The following RIT2 variants were observed in gnomAD, a reference collection of about 807,000 sequenced individuals.
The protein encoded by RIT2 is Ras like without CAAX 2, also known as GTP-binding protein Rit2.
RIT2 carries 24 observed loss-of-function variants against 23.7 expected under a neutral mutation model. The observed-to-expected ratio is 1.01, with a 90% confidence interval of 0.73 to 1.43. The LOEUF (loss-of-function observed/expected upper bound fraction) is 1.43, where lower values mean the gene tolerates loss of function less well. Among genes scored for constraint, RIT2 ranks in the 40% most tolerant of loss-of-function variants. The pLI, the probability that RIT2 is intolerant of heterozygous loss-of-function variation, is 0.00. For missense variants in RIT2, 236 were observed against 266.9 expected, an observed-to-expected ratio of 0.88 and a Z score of 0.81; for synonymous variants, 107 against 91.1, an observed-to-expected ratio of 1.17 and a Z score of -0.99.
chr18:43,004,568 A>G (rs1911185039), intron 2 of RIT2, among the ~76,000 whole-genome samples: 1 of 151,842 alleles, frequency 6.6e-6, no homozygotes, highest in African/African-American at 2.4e-5. Context: ...TGTGCCCGAC[A>G]CTTTCTGGGA....
intron 2 of RIT2, among the ~76,000 whole-genome samples, chr18:42,989,657 T>C (rs1469834275): frequency 6.6e-6 from 1 of 152,172 alleles, no homozygotes; most frequent in African/African-American, 2.4e-5. Context: ...AAAGCCCACA[T>C]AGCTCATGGT....
At chr18:43,011,941 T>C (rs530298378) in intron 2 of RIT2, among the ~76,000 whole-genome samples, 34 of 151,988 alleles carry the variant, frequency 2.2e-4, no homozygotes, top group African/African-American at 8.2e-4. Context: ...AATTAAAAGA[T>C]TGCATAAATT....
At chr18:42,783,811 T>C (rs1227165047) in intron 4 of RIT2, among the ~76,000 whole-genome samples, 1 of 151,974 alleles carries the variant, frequency 6.6e-6, no homozygotes, top group Non-Finnish European at 1.5e-5. Flanking sequence ...TTTGTAAACA[T>C]TTGGTGGACA....
At chr18:42,836,726 C>A (rs796458329) in intron 4 of RIT2, among the ~76,000 whole-genome samples, 5 of 152,144 alleles carry the variant, frequency 3.3e-5, no homozygotes, top group Non-Finnish European at 7.3e-5. Context: ...CACTTTACTT[C>A]GAGATTACCA....
intron 4 of RIT2, among the ~76,000 whole-genome samples, chr18:42,815,203 G>A (rs1905961181): frequency 6.6e-6 from 1 of 152,136 alleles, no homozygotes; most frequent in African/African-American, 2.4e-5. Flanking sequence ...GAATTCAGGA[G>A]GTTACTTATT....
intron 4 of RIT2, among the ~76,000 whole-genome samples, chr18:42,919,607 G>A (rs1160046023): frequency 6.6e-6 from 1 of 152,054 alleles, no homozygotes; most frequent in African/African-American, 2.4e-5. Flanking sequence ...CCAGCTACGT[G>A]GGAGGCTGAA....
intron 3 of RIT2, among the ~76,000 whole-genome samples, chr18:42,945,382 GA>G (rs1294669968): frequency 1.3e-5 from 2 of 151,616 alleles, no homozygotes; most frequent in African/African-American, 4.8e-5. Context: ...CCATGTGAGT[GA>G]AAATGTTGGG....
chr18:42,954,673 T>A (rs1019451532), intron 3 of RIT2, among the ~76,000 whole-genome samples: 1 of 152,144 alleles, frequency 6.6e-6, no homozygotes, highest in African/African-American at 2.4e-5. Flanking sequence ...TTTATTTTTT[T>A]AAATTTTTTA....
rs541500447 is a variant in RIT2, at chr18:42,804,078, T to C, written c.427-60358A>G. ...AGCCATTTATAAGTGAATTGAAGAA[T>C]AGAGCCACATCTGGTGGATTATACA... On this transcript the variant is annotated intron_variant, in intron 4 of 4. Transcript: ENST00000326695. 1.1e-4 allele frequency among the ~76,000 whole-genome samples: 17 copies of C among 152,288 alleles called. No individual in the cohort carries two copies. In the East Asian group the frequency reaches 2.5e-3, roughly 22 times the overall value.
intron 3 of RIT2, among the ~76,000 whole-genome samples, chr18:42,943,425 T>C (rs1053053883): frequency 1.3e-5 from 2 of 152,062 alleles, no homozygotes; most frequent in African/African-American, 4.8e-5. Context: ...ACCCAGGAAG[T>C]CCCGCTGACT....
intron 4 of RIT2, among the ~76,000 whole-genome samples, chr18:42,839,195 T>C (rs1906697299): frequency 6.6e-6 from 1 of 152,138 alleles, no homozygotes; most frequent in African/African-American, 2.4e-5. Context: ...TCAGCTGACC[T>C]CCATTAGAGG....
At chr18:42,808,054 A>G (rs1207310001) in intron 4 of RIT2, among the ~76,000 whole-genome samples, 1 of 152,228 alleles carries the variant, frequency 6.6e-6, no homozygotes, top group African/African-American at 2.4e-5. Context: ...CAGAATTCTC[A>G]GTATGCCAGA....
In RIT2 at chr18:42,953,065, A is replaced by G. The variant is rs75795297; in HGVS notation, c.234+21009T>C. Reference sequence around the variant, plus strand: ...GAAAACTACATTGTAGTTTTCTTCAATCTACAAAATCAGTCTCATTCATTT... The same window carrying G: ...GAAAACTACATTGTAGTTTTCTTCAGTCTACAAAATCAGTCTCATTCATTT... On this transcript the variant is annotated intron_variant, in intron 3 of 4. Coordinates refer to ENST00000326695, the MANE Select transcript of RIT2 (RefSeq NM_002930.4). 8.6e-3 allele frequency among the ~76,000 whole-genome samples: 1,314 copies of G among 151,918 alleles called. 17 individuals carry two copies. Among genetic ancestry groups the G allele is most frequent in the African/African-American group, 0.03 (1,240 of 41,492 alleles).
At chr18:42,763,548 G>C (rs1262518224) in intron 4 of RIT2, among the ~76,000 whole-genome samples, 3 of 151,820 alleles carry the variant, frequency 2.0e-5, no homozygotes, top group Admixed American at 1.3e-4. Context: ...GAGTCAGTGA[G>C]TGATGAGTCA....
intron 1 of RIT2, among the ~76,000 whole-genome samples, chr18:43,105,431 T>G: frequency 1.5e-5 from 1 of 68,546 alleles, no homozygotes; most frequent in Non-Finnish European, 2.8e-5. Context: ...GGTGGAGGCA[T>G]GGAAGGAAGG....
chr18:42,746,338 TA>T (rs1303549028), intron 4 of RIT2, among the ~76,000 whole-genome samples: 1 of 152,068 alleles, frequency 6.6e-6, no homozygotes, highest in Admixed American at 6.6e-5. Context: ...TCTCCAACTT[TA>T]AAAGACAAAG....
At chr18:43,036,610 G>A (rs1911982851) in intron 1 of RIT2, among the ~76,000 whole-genome samples, 1 of 151,000 alleles carries the variant, frequency 6.6e-6, no homozygotes, top group Non-Finnish European at 1.5e-5. Context: ...ATATTTACAT[G>A]ATGGAGTTTG....
chr18:42,947,194 T>G (rs1050672880), intron 3 of RIT2, among the ~76,000 whole-genome samples: 1 of 152,044 alleles, frequency 6.6e-6, no homozygotes, highest in Non-Finnish European at 1.5e-5. Context: ...GACATAAAAC[T>G]ATTAGGAAAG....
rs945657299 is a variant in RIT2, at chr18:42,949,233, A to G, written c.234+24841T>C. Among the ~76,000 whole-genome samples the G allele has an allele frequency of 1.6e-4, 25 of 152,040 alleles. 1 individual carries two copies. The highest frequency in any genetic ancestry group is 3.9e-4 in the Admixed American group (6 of 15,220). ...CCCAGTGAAATGCCAATAATTCCCTATTGATGTGAGGATGACGGGGAACTC... is the reference window on the plus strand; with the variant it reads ...CCCAGTGAAATGCCAATAATTCCCTGTTGATGTGAGGATGACGGGGAACTC... On this transcript the variant is annotated intron_variant, in intron 3 of 4. Coordinates refer to ENST00000326695, the MANE Select transcript of RIT2 (RefSeq NM_002930.4).
Sources: allele counts gnomAD v4.1 joint callset (sites outside exome capture counted in the v4.1 genomes callset), GRCh38; gene constraint gnomAD v4.1.1; transcripts MANE v1.5; gene names NCBI Gene and HGNC (gene_info 2026-07-23, HGNC 2026-07-21).